JMJD1C: variants seen among roughly 807,000 people sequenced by gnomAD.
JMJD1C encodes the protein jumonji domain containing 1C.
Under a neutral mutation model 245.3 loss-of-function variants are expected in JMJD1C, and 31 were observed. The ratio of observed to expected loss-of-function variants is 0.13; its 90% CI spans 0.09 to 0.17. The LOEUF is 0.17. JMJD1C is among the 10% of genes least tolerant of loss of function. JMJD1C has a pLI of 1.00. For missense variants in JMJD1C, 2,691 were observed against 3,000.2 expected, an observed-to-expected ratio of 0.90 and a Z score of 2.41; for synonymous variants, 1,057 against 1,017.4, an observed-to-expected ratio of 1.04 and a Z score of -0.74.
intron 1 of JMJD1C, among the ~76,000 whole-genome samples, chr10:63,479,188 TAATGAG>T (rs1309146947): frequency 6.6e-6 from 1 of 152,010 alleles, no homozygotes; most frequent in East Asian, 1.9e-4. Flanking sequence ...TTTTCAAACT[TAATGAG>T]AGAGAGAAAA....
intron 1 of JMJD1C, among the ~76,000 whole-genome samples, chr10:63,508,713 T>C (rs1215725581): frequency 6.6e-6 from 1 of 152,246 alleles, no homozygotes; most frequent in Non-Finnish European, 1.5e-5. Context: ...GATTTATACC[T>C]ATAAATTTCA....
intron 3 of JMJD1C, among the ~76,000 whole-genome samples, chr10:63,234,520 A>AAAC (rs1430122257): frequency 6.8e-6 from 1 of 147,594 alleles, no homozygotes; most frequent in Admixed American, 6.7e-5. Flanking sequence ...AAAAAAAAAA[A>AAAC]ACACCAAAAA....
At position 63,219,868 on chromosome 10, in the gene JMJD1C, A is replaced by C; in HGVS notation, c.553+10T>G. Reference sequence around the variant, plus strand: ...CAAAAAAATTTAATGCATAACTTCAAAATAGTTACCTTGCATAAAAATCTC... The same window carrying C: ...CAAAAAAATTTAATGCATAACTTCACAATAGTTACCTTGCATAAAAATCTC... On this transcript the variant is annotated intron_variant, in intron 4 of 25. Coordinates refer to ENST00000399262, the MANE Select transcript of JMJD1C (RefSeq NM_032776.3). 6.2e-7 allele frequency: 1 copy of C among 1,602,782 alleles called. No individual in the cohort carries two copies. The highest frequency in any genetic ancestry group is 2.2e-5 in the East Asian group (1 of 44,780).
rs117435902 is a variant in JMJD1C, at chr10:63,187,795, A to G, written c.6570+1373T>C. 4.9e-3 allele frequency among the ~76,000 whole-genome samples: 752 copies of G among 152,274 alleles called. 7 individuals carry two copies. The highest frequency in any genetic ancestry group is 0.014 in the Middle Eastern group (4 of 292). ...AATGGTATTATTCTCTTCTAACTCA[A>G]CTTCTAATCTGCCTTGCTGTCAGTT... On this transcript the variant is annotated intron_variant, in intron 18 of 25. Coordinates refer to ENST00000399262, the MANE Select transcript of JMJD1C (RefSeq NM_032776.3).
At chr10:63,429,736 A>G (rs1309729007) in intron 1 of JMJD1C, among the ~76,000 whole-genome samples, 2 of 152,168 alleles carry the variant, frequency 1.3e-5, no homozygotes, top group Non-Finnish European at 2.9e-5. Context: ...CAAAGCAAAA[A>G]GAAGAATCAT....
intron 3 of JMJD1C, among the ~76,000 whole-genome samples, chr10:63,240,756 G>GT (rs1388622982): frequency 1.3e-5 from 2 of 152,038 alleles, no homozygotes; most frequent in Admixed American, 6.5e-5. Context: ...ACTTAGAAAA[G>GT]TATCTGTGAA....
In JMJD1C at chr10:63,312,989, T is replaced by C. The variant is rs545470858; in HGVS notation, c.334-48225A>G. Among the ~76,000 whole-genome samples, 91 of 152,298 alleles carry C rather than the reference T, an allele frequency of 6.0e-4. 1 individual carries two copies. Among genetic ancestry groups the C allele is most frequent in the African/African-American group, 2.1e-3 (86 of 41,578 alleles). ...TAGGTTTTTGGGGAACAGGTAGCTT[T>C]TGGATACATGAGTAAGTTCTTTAGC... On this transcript the variant is annotated intron_variant, in intron 2 of 25. Transcript: ENST00000399262.
chr10:63,179,989 T>C (rs765668125), intron 22 of JMJD1C, among the ~76,000 whole-genome samples: 2 of 152,082 alleles, frequency 1.3e-5, no homozygotes, highest in African/African-American at 4.8e-5. Flanking sequence ...GCTGCAAACA[T>C]ATTTTTTTCT....
At chr10:63,404,528 C>T (rs748195166) in intron 1 of JMJD1C, among the ~76,000 whole-genome samples, 1 of 151,916 alleles carries the variant, frequency 6.6e-6, no homozygotes, top group South Asian at 2.1e-4. Context: ...ACTATAGCTA[C>T]GTGCTAGCAT....
intron 2 of JMJD1C, among the ~76,000 whole-genome samples, chr10:63,333,049 T>C (rs1942334018): frequency 6.6e-6 from 1 of 152,172 alleles, no homozygotes; most frequent in Admixed American, 6.6e-5. Context: ...ACAGAAATAT[T>C]TCCTAAAAGA....
At chr10:63,496,779 T>C (rs745378915) in intron 1 of JMJD1C, among the ~76,000 whole-genome samples, 14 of 152,232 alleles carry the variant, frequency 9.2e-5, no homozygotes, top group Non-Finnish European at 1.8e-4. Context: ...GGTTTGGTCA[T>C]ATCACTTGCC....
intron 1 of JMJD1C, 54 bp downstream of exon 1, chr10:63,465,441 G>C (rs1193301534): frequency 2.0e-6 from 3 of 1,504,530 alleles, no homozygotes; most frequent in Admixed American, 3.8e-5. Flanking sequence ...AGGTACGTCT[G>C]CGAGAGCCGG....
At chr10:63,174,237 A>C (rs1002585521) in intron 24 of JMJD1C, among the ~76,000 whole-genome samples, 1 of 152,360 alleles carries the variant, frequency 6.6e-6, no homozygotes, top group Admixed American at 6.5e-5. Flanking sequence ...CATGTATATG[A>C]ATGTTTATGA....
At chr10:63,377,878 G>A (rs1306133739) in intron 2 of JMJD1C, among the ~76,000 whole-genome samples, 3 of 150,118 alleles carry the variant, frequency 2.0e-5, no homozygotes, top group South Asian at 4.2e-4. Context: ...AGCCTGTGTG[G>A]AAAAGTGAGA....
intron 7 of JMJD1C, 21 bp downstream of exon 7, chr10:63,215,242 A>G: frequency 8.7e-7 from 1 of 1,152,662 alleles, no homozygotes; most frequent in Non-Finnish European, 1.2e-6. Flanking sequence ...TCATTCCCTT[A>G]AAAAAAAAAG....
chr10:63,341,110 T>C (rs1314404980), intron 2 of JMJD1C, among the ~76,000 whole-genome samples: 1 of 152,204 alleles, frequency 6.6e-6, no homozygotes, highest in Non-Finnish European at 1.5e-5. Context: ...AATGGTATTC[T>C]GATCATGACA....
intron 1 of JMJD1C, among the ~76,000 whole-genome samples, chr10:63,443,998 A>G (rs1951544420): frequency 6.6e-6 from 1 of 152,226 alleles, no homozygotes; most frequent in African/African-American, 2.4e-5. Flanking sequence ...CTCCACTAGA[A>G]GTAGAAATTT....
At chr10:63,417,218 C>T (rs535776651) in intron 1 of JMJD1C, among the ~76,000 whole-genome samples, 1 of 152,154 alleles carries the variant, frequency 6.6e-6, no homozygotes, top group Admixed American at 6.5e-5. Context: ...TGAATGCAAC[C>T]GGTTATCAAA....
chr10:63,487,984 G>A (rs1954052135), intron 1 of JMJD1C, among the ~76,000 whole-genome samples: 6 of 152,174 alleles, frequency 3.9e-5, no homozygotes, highest in Admixed American at 3.3e-4. Context: ...GCGACACAGA[G>A]AGGTGAAAGT....
Sources: gnomAD v4.1 joint callset for allele counts (sites outside exome capture counted in the v4.1 genomes callset) on GRCh38, gnomAD v4.1.1 for gene constraint, MANE v1.5 for transcripts, NCBI Gene and HGNC (gene_info 2026-07-23, HGNC 2026-07-21) for gene names.